The following TRAPPC3L variants were observed in gnomAD, a reference collection of about 807,000 sequenced individuals.
TRAPPC3L encodes the protein trafficking protein particle complex subunit 3L.
In TRAPPC3L, 23 loss-of-function variants were observed where a neutral mutation model predicts 23.7. The observed-to-expected ratio is 0.97, with a 90% confidence interval of 0.70 to 1.37. TRAPPC3L has a LOEUF of 1.37. Among genes scored for constraint, TRAPPC3L ranks in the 40% most tolerant of loss-of-function variants. TRAPPC3L has a pLI of 0.00. For missense variants in TRAPPC3L, 212 were observed against 216.8 expected (o/e 0.98, Z 0.14); for synonymous variants, 81 against 77.9 (o/e 1.04, Z -0.21).
intron 3 of TRAPPC3L, chr6:116,519,766 G>C (rs1772296029): frequency 6.6e-6 from 1 of 152,122 alleles, no homozygotes; most frequent in African/African-American, 2.4e-5. Context: ...ATATACTCAA[G>C]GAAAAATTTC....
chr6:116,510,652 C>T (rs1772097278), intron 3 of TRAPPC3L, among the ~76,000 whole-genome samples: 1 of 151,932 alleles, frequency 6.6e-6, no homozygotes, highest in Admixed American at 6.6e-5. Flanking sequence ...AGCAATCCCA[C>T]TACTGGGTAT....
chr6:116,526,671 C>T (rs1772443193), intron 3 of TRAPPC3L, among the ~76,000 whole-genome samples: 2 of 152,130 alleles, frequency 1.3e-5, no homozygotes, highest in East Asian at 1.9e-4. Context: ...AAACATTACA[C>T]CAGGCAGGGA....
At chr6:116,516,242 G>T in intron 3 of TRAPPC3L, 1 of 360,640 alleles carries the variant, frequency 2.8e-6, no homozygotes, top group Non-Finnish European at 5.0e-6. Flanking sequence ...GTTGCTCCAA[G>T]ATCTAAGATT....
chr6:116,501,973 A>G (rs1249636315), intron 3 of TRAPPC3L, among the ~76,000 whole-genome samples: 6 of 152,228 alleles, frequency 3.9e-5, no homozygotes, highest in African/African-American at 7.2e-5. Flanking sequence ...TTCTCCTCCA[A>G]AAGAACACAA....
chr6:116,498,833 T>C (rs958616340), intron 4 of TRAPPC3L, among the ~76,000 whole-genome samples: 7 of 152,206 alleles, frequency 4.6e-5, no homozygotes, highest in Non-Finnish European at 1.0e-4. Context: ...TTCTTTTTCT[T>C]GGTATCCTTT....
chr6:116,516,827 T>A (rs1268898001), intron 3 of TRAPPC3L: 1 of 152,010 alleles, frequency 6.6e-6, no homozygotes, highest in African/African-American at 2.4e-5. Context: ...TAAAAACATT[T>A]TAGTGGGCCC....
At chr6:116,519,493 T>C (rs767052132) in intron 3 of TRAPPC3L, 8 of 152,216 alleles carry the variant, frequency 5.3e-5, no homozygotes, top group Non-Finnish European at 7.3e-5. Flanking sequence ...AACTGGGACA[T>C]TGGCACCCTG....
At chr6:116,538,650 T>G (rs1486733814) in intron 3 of TRAPPC3L, among the ~76,000 whole-genome samples, 1 of 152,176 alleles carries the variant, frequency 6.6e-6, no homozygotes, top group Non-Finnish European at 1.5e-5. Context: ...AGGTTTTATT[T>G]TCCACATTAT....
chr6:116,512,271 A>T, intron 3 of TRAPPC3L: 1 of 1,560,270 alleles, frequency 6.4e-7, no homozygotes, highest in Non-Finnish European at 8.6e-7. Context: ...TTCTCTCAGC[A>T]TGAGCTCGAA....
At chr6:116,512,446 G>A (rs908504944) in intron 3 of TRAPPC3L, 6 of 545,516 alleles carry the variant, frequency 1.1e-5, no homozygotes, top group Middle Eastern at 5.0e-4. Flanking sequence ...TCTCTTTTCC[G>A]GTTCTGAAAA....
At chr6:116,539,783 T>A (rs1562353168) in intron 3 of TRAPPC3L, among the ~76,000 whole-genome samples, 1 of 152,136 alleles carries the variant, frequency 6.6e-6, no homozygotes, top group Non-Finnish European at 1.5e-5. Flanking sequence ...AACACTACAT[T>A]AATAACCATA....
At chr6:116,498,547 C>T (rs1334555889) in intron 4 of TRAPPC3L, among the ~76,000 whole-genome samples, 1 of 152,242 alleles carries the variant, frequency 6.6e-6, no homozygotes, top group East Asian at 1.9e-4. Context: ...TTCTTAATAG[C>T]TAAGCTTCTG....
intron 3 of TRAPPC3L, among the ~76,000 whole-genome samples, chr6:116,538,930 C>T (rs1773263311): frequency 6.6e-6 from 1 of 151,932 alleles, no homozygotes; most frequent in African/African-American, 2.4e-5. Context: ...GGGATTTCAC[C>T]ATGTTGGCCA....
intron 3 of TRAPPC3L, among the ~76,000 whole-genome samples, chr6:116,508,362 A>G (rs1350519427): frequency 2.0e-5 from 3 of 152,212 alleles, no homozygotes; most frequent in Admixed American, 2.0e-4. Context: ...GGAACATGTC[A>G]TGAGCATAAA....
chr6:116,505,640 A>T (rs1771991955), intron 3 of TRAPPC3L, among the ~76,000 whole-genome samples: 1 of 152,216 alleles, frequency 6.6e-6, no homozygotes, highest in African/African-American at 2.4e-5. Flanking sequence ...TACAGTAACC[A>T]AAACAGCATG....
intron 3 of TRAPPC3L, among the ~76,000 whole-genome samples, chr6:116,527,946 A>T (rs1583276384): frequency 6.6e-6 from 1 of 152,370 alleles, no homozygotes; most frequent in East Asian, 1.9e-4. Context: ...CATGTATCCC[A>T]GAACATAAAG....
At chr6:116,537,563 T>C (rs1351737637) in intron 3 of TRAPPC3L, among the ~76,000 whole-genome samples, 1 of 152,228 alleles carries the variant, frequency 6.6e-6, no homozygotes, top group African/African-American at 2.4e-5. Context: ...TCGATTCCTC[T>C]TCAACCTTTT....
intron 3 of TRAPPC3L, among the ~76,000 whole-genome samples, chr6:116,529,543 G>C (rs1772571804): frequency 1.3e-5 from 2 of 152,170 alleles, no homozygotes; most frequent in African/African-American, 4.8e-5. Flanking sequence ...GATTGGAGCT[G>C]AGTGGAAGTT....
At chr6:116,525,327 C>T (rs1190184220) in intron 3 of TRAPPC3L, among the ~76,000 whole-genome samples, 1 of 152,288 alleles carries the variant, frequency 6.6e-6, no homozygotes, top group East Asian at 1.9e-4. Context: ...CTTTCCCATC[C>T]TGAACAGCTT....
Sources: allele counts gnomAD v4.1 joint callset (sites outside exome capture counted in the v4.1 genomes callset), GRCh38; gene constraint gnomAD v4.1.1; transcripts MANE v1.5; gene names NCBI Gene and HGNC (gene_info 2026-07-23, HGNC 2026-07-21).